The following GOLGA3 variants were observed in gnomAD, a reference collection of about 807,000 sequenced individuals.
The protein encoded by GOLGA3 is golgin A3.
GOLGA3 carries 75 observed loss-of-function variants against 169.4 expected under a neutral mutation model. The ratio of observed to expected loss-of-function variants is 0.44; its 90% confidence interval spans 0.37 to 0.54. The LOEUF (loss-of-function observed/expected upper bound fraction) is 0.54, where lower values mean the gene tolerates loss of function less well. Ranked by LOEUF, GOLGA3 falls within the 20% of genes least tolerant of loss-of-function variation. GOLGA3 has a pLI of 0.00. For missense variants in GOLGA3, 1,899 were observed against 1,930.0 expected, an observed-to-expected ratio of 0.98 and a Z score of 0.30; for synonymous variants, 824 against 822.4, an observed-to-expected ratio of 1.00 and a Z score of -0.03.
intron 1 of GOLGA3, among the ~76,000 whole-genome samples, chr12:132,827,222 C>T (rs991048816): frequency 1.3e-5 from 2 of 152,208 alleles, no homozygotes; most frequent in Admixed American, 1.3e-4. Flanking sequence ...AACACGATTT[C>T]CTCAGGAAAA....
chr12:132,822,218 C>T lies in GOLGA3; in HGVS notation c.-90G>A. On this transcript the variant is annotated 5_prime_UTR_variant, in exon 2 of 24. Coordinates refer to ENST00000450791, the MANE Select transcript of GOLGA3 (RefSeq NM_001389683.1). ...TTCTGCCATCAGCAACAGCCAAGAG[C>T]TCCTGGGAGGGGCCCTACTGTGTCT... The T allele has an allele frequency of 2.0e-6, 3 of 1,494,746 alleles. No homozygotes were observed. Among genetic ancestry groups the T allele is most frequent in the South Asian group, 2.6e-5 (2 of 77,088 alleles). The allele number at this position is 1,494,746 out of a possible 1,614,324, so 92.6% of individuals were successfully genotyped here.
chr12:132,779,240 A>T (rs2045417383), intron 18 of GOLGA3, among the ~76,000 whole-genome samples: 1 of 151,946 alleles, frequency 6.6e-6, no homozygotes, highest in South Asian at 2.1e-4. Context: ...CCACCACGCC[A>T]GGCTAATTTT....
chr12:132,784,196 A>G lies in GOLGA3; in HGVS notation c.3235T>C (p.Ser1079Pro). ...IALTSQELEE[S>P]REKVLELEDE... Reference sequence around the variant, plus strand: ...TCCAGCTCCAGCACCTTCTCCCGGGACTCCTCCAGCTCCTGGCTGGTCAGC... The same window carrying G: ...TCCAGCTCCAGCACCTTCTCCCGGGGCTCCTCCAGCTCCTGGCTGGTCAGC... Residue 1079 changes from serine (S) to proline (P), a missense_variant, in exon 16 of 24, where the codon TCC (serine) becomes CCC (proline). Transcript: ENST00000450791. The G allele has an allele frequency of 1.2e-6, 2 of 1,609,364 alleles. No homozygotes were observed. Among genetic ancestry groups the G allele is most frequent in the Non-Finnish European group, 1.7e-6 (2 of 1,179,882 alleles).
chr12:132,801,784 C>G lies in GOLGA3; in HGVS notation c.1783G>C (p.Glu595Gln). 1 of 1,612,330 alleles carries G rather than the reference C, an allele frequency of 6.2e-7. No homozygotes were observed. Among genetic ancestry groups the G allele is most frequent in the East Asian group, 2.2e-5 (1 of 44,880 alleles). Residue 595 changes from glutamate (E) to glutamine (Q), a missense_variant, in exon 8 of 24, where the codon GAG becomes CAG. Coordinates refer to ENST00000450791, the MANE Select transcript of GOLGA3 (RefSeq NM_001389683.1). ...GGCCGTACCTGGATGTGGGCCATCT[C>G]ACCCTGCAGCCTGACGCGGGCCTCC... ...AQEARVRLQG[E>Q]MAHIQVGQMT...
chr12:132,821,879 T>G, intron 2 of GOLGA3, 117 bp downstream of exon 2: 1 of 637,618 alleles, frequency 1.6e-6, no homozygotes, highest in Non-Finnish European at 2.6e-6. Context: ...AAAAAACAAC[T>G]TTGAATTAAG....
intron 10 of GOLGA3, 107 bp from the exon 11 acceptor site, chr12:132,796,327 C>CT: frequency 1.5e-6 from 2 of 1,351,116 alleles, no homozygotes; most frequent in Admixed American, 2.5e-5. Flanking sequence ...TATGGAGGGT[C>CT]TTTTTTTCAC....
intron 2 of GOLGA3, among the ~76,000 whole-genome samples, chr12:132,819,703 G>A (rs1352519737): frequency 6.6e-6 from 1 of 152,112 alleles, no homozygotes; most frequent in African/African-American, 2.4e-5. Flanking sequence ...GGACCCGTGA[G>A]CTCCACTGCT....
Position 132,777,056 on chromosome 12 carries a change from G to C in GOLGA3, c.3757C>G (p.Gln1253Glu). 6.2e-7 allele frequency: 1 copy of C among 1,603,398 alleles called. No homozygotes were observed. The highest frequency in any genetic ancestry group is 8.5e-7 in the Non-Finnish European group (1 of 1,176,902). ...REGKHSQEIA[Q>E]FQAELAEARA... Reference sequence around the variant, plus strand: ...GCCTCGGCCAGCTCTGCTTGGAACTGTGCTATCTCCTGGGAATGTTTCCCC... The same window carrying C: ...GCCTCGGCCAGCTCTGCTTGGAACTCTGCTATCTCCTGGGAATGTTTCCCC... Residue 1253 changes from glutamine to glutamate, a missense_variant, in exon 20 of 24, where the codon CAG becomes GAG. Transcript: ENST00000450791. This position sits in a 1 kb window ranked among gnomAD's most constrained non-coding sequence, Gnocchi z 4.7.
At position 132,784,489 on chromosome 12, in the gene GOLGA3, G is replaced by A. The variant is rs111418836; in HGVS notation, c.3124-182C>T. On this transcript the variant is annotated intron_variant, in intron 15 of 23. Transcript: ENST00000450791. ...AATTAACCGACCACAGCATGCACACGATGACACACGGGGATAGTTGGGACA... is the reference window on the plus strand; with the variant it reads ...AATTAACCGACCACAGCATGCACACAATGACACACGGGGATAGTTGGGACA... Among the ~76,000 whole-genome samples the A allele has an allele frequency of 1.4e-4, 22 of 152,240 alleles. No individual in the cohort carries two copies. In the South Asian group the frequency reaches 2.7e-3, roughly 19 times the overall value.
At chr12:132,785,638 C>A (rs929086313) in intron 15 of GOLGA3, among the ~76,000 whole-genome samples, 1 of 152,142 alleles carries the variant, frequency 6.6e-6, no homozygotes, top group African/African-American at 2.4e-5. Flanking sequence ...GAAAACCCCA[C>A]GTTATGATAC....
At chr12:132,827,941 T>C (rs972316493) in intron 1 of GOLGA3, 3 of 149,142 alleles carry the variant, frequency 2.0e-5, no homozygotes, top group Non-Finnish European at 3.0e-5. Flanking sequence ...CATCTGTAAA[T>C]GGCTTACACT....
Position 132,771,668 on chromosome 12 carries a change from A to G in GOLGA3, c.*1437T>C, listed in dbSNP as rs1007991669. ...CTGGTGTAACCACAAAAGATCCAGG[A>G]CTTCTCGATGACTGCAGAAGTACAG... is the stretch of plus-strand genomic sequence containing the variant. On this transcript the variant is annotated 3_prime_UTR_variant, in exon 24 of 24. Coordinates refer to ENST00000450791, the MANE Select transcript of GOLGA3 (RefSeq NM_001389683.1). 6.6e-6 allele frequency: 1 copy of G among 152,062 alleles called. No homozygotes were observed. The highest frequency in any genetic ancestry group is 2.4e-5 in the African/African-American group (1 of 41,396). 9.4% of individuals were successfully genotyped at this position (152,062 alleles called of 1,614,324 possible).
intron 11 of GOLGA3, 31 bp from the exon 12 acceptor site, chr12:132,791,324 TG>T: frequency 7.7e-7 from 1 of 1,298,418 alleles, no homozygotes. Context: ...GACATTACAC[TG>T]ACGGCTCCAG....
intron 1 of GOLGA3, among the ~76,000 whole-genome samples, chr12:132,822,670 C>T (rs1382666223): frequency 1.3e-5 from 2 of 152,152 alleles, no homozygotes; most frequent in East Asian, 1.9e-4. Flanking sequence ...CCTGTAATCC[C>T]AGCACTTTGG....
intron 11 of GOLGA3, among the ~76,000 whole-genome samples, chr12:132,794,160 C>A (rs1176194223): frequency 1.3e-5 from 2 of 152,030 alleles, no homozygotes; most frequent in African/African-American, 4.8e-5. Flanking sequence ...AAACAGGGAG[C>A]CATGGTCAGA....
Position 132,773,039 on chromosome 12 carries a change from A to C in GOLGA3, c.*66T>G, listed in dbSNP as rs1040439767. On this transcript the variant is annotated 3_prime_UTR_variant, in exon 24 of 24. Transcript: ENST00000450791. Reference sequence around the variant, plus strand: ...TGTCTTAGAAAAACATCGACCACACAATCAAATAAATAACATTGATAAGAG... The same window carrying C: ...TGTCTTAGAAAAACATCGACCACACCATCAAATAAATAACATTGATAAGAG... 52 of 1,162,532 alleles carry C rather than the reference A, an allele frequency of 4.5e-5. No individual in the cohort carries two copies. The highest frequency in any genetic ancestry group is 1.9e-4 in the Admixed American group (6 of 31,580). 72.0% of individuals were successfully genotyped at this position (1,162,532 alleles called of 1,614,324 possible).
At chr12:132,803,338 C>T (rs1035940453) in intron 7 of GOLGA3, among the ~76,000 whole-genome samples, 1 of 152,184 alleles carries the variant, frequency 6.6e-6, no homozygotes, top group African/African-American at 2.4e-5. Context: ...CAAATTCACA[C>T]TTAGGAAATC....
At chr12:132,820,839 C>A (rs1334064418) in intron 2 of GOLGA3, among the ~76,000 whole-genome samples, 1 of 152,146 alleles carries the variant, frequency 6.6e-6, no homozygotes, top group South Asian at 2.1e-4. Flanking sequence ...GTGGCTCACT[C>A]CTGTAATCCC....
rs1261898800 is a variant in GOLGA3 at position 132,828,798 on chromosome 12, C to G, written c.-184+5G>C. 2 of 152,418 alleles carry G rather than the reference C, an allele frequency of 1.3e-5. No individual in the cohort carries two copies. Among genetic ancestry groups the G allele is most frequent in the Non-Finnish European group, 2.9e-5 (2 of 68,194 alleles). The allele number at this position is 152,418 out of a possible 1,614,324, so 9.4% of individuals were successfully genotyped here. ...CCGAGGCGCCGCGGCCTCCGAGCCCCTCACCCTGCTGCTCTGGCAGCCCCG... is the reference window on the plus strand; with the variant it reads ...CCGAGGCGCCGCGGCCTCCGAGCCCGTCACCCTGCTGCTCTGGCAGCCCCG... On this transcript the variant is annotated splice_donor_5th_base_variant and intron_variant, in intron 1 of 23. Coordinates refer to ENST00000450791, the MANE Select transcript of GOLGA3 (RefSeq NM_001389683.1).
Sources: gnomAD v4.1 joint callset for allele counts (sites outside exome capture counted in the v4.1 genomes callset) on GRCh38, gnomAD v4.1.1 for gene constraint, Gnocchi (gnomAD v3.1) non-coding constraint, MANE v1.5 for transcripts, NCBI Gene and HGNC (gene_info 2026-07-23, HGNC 2026-07-21) for gene names.